PADI4: variants seen among roughly 807,000 people sequenced by gnomAD.
PADI4 encodes the protein peptidyl arginine deiminase 4, also known as protein-arginine deiminase type-4.
In PADI4, 62 loss-of-function variants were observed where a neutral mutation model predicts 75.0. That is an observed-to-expected ratio of 0.83 (90% CI 0.67 to 1.02). The LOEUF is 1.02. PADI4 is among the 50% of genes least tolerant of loss of function. The pLI is 0.00. For missense variants in PADI4, 845 were observed against 850.5 expected (o/e 0.99, Z 0.08); for synonymous variants, 361 against 348.1 (o/e 1.04, Z -0.41).
chr1:17,357,304 A>G (rs1286012378), intron 13 of PADI4, among the ~76,000 whole-genome samples: 1 of 151,924 alleles, frequency 6.6e-6, no homozygotes, highest in African/African-American at 2.4e-5. Flanking sequence ...AGTAGCTGGG[A>G]TTACAGGTGT....
At chr1:17,349,701 T>TA (rs2074585502) in intron 10 of PADI4, among the ~76,000 whole-genome samples, 1 of 21,860 alleles carries the variant, frequency 4.6e-5, no homozygotes, top group African/African-American at 6.3e-5. Flanking sequence ...CAAGACTGTA[T>TA]CAAAAAAAAA....
rs1557581614 is a variant in PADI4 at position 17,356,044 on chromosome 1, G to A, written c.1372G>A (p.Ala458Thr). The A allele has an allele frequency of 4.3e-6, 7 of 1,614,010 alleles. No homozygotes were observed. The highest frequency in any genetic ancestry group is 3.3e-5 in the South Asian group (3 of 91,086). Residue 458 changes from alanine (A) to threonine (T), a missense_variant, in exon 12 of 16, where the codon GCC (alanine) becomes ACC (threonine). Transcript: ENST00000375448. The surrounding 1 kb of genome is among the most constrained non-coding windows in gnomAD (Gnocchi z 4.1). ...CTTCCTCAGTGCCCAGCAGGTGCAGGCCCCTGTGAAGCTCTATTCTGACTG... is the reference window on the plus strand; with the variant it reads ...CTTCCTCAGTGCCCAGCAGGTGCAGACCCCTGTGAAGCTCTATTCTGACTG... ...QDFLSAQQVQAPVKLYSDWLS... is the reference protein window; with the variant it reads ...QDFLSAQQVQTPVKLYSDWLS...
At chr1:17,344,856 A>G (rs1471187455) in intron 8 of PADI4, among the ~76,000 whole-genome samples, 1 of 152,250 alleles carries the variant, frequency 6.6e-6, no homozygotes, top group African/African-American at 2.4e-5. Flanking sequence ...ACAGCAGTGC[A>G]GAGGGGAAAT....
At chr1:17,330,415 T>C (rs2074189348) in intron 1 of PADI4, among the ~76,000 whole-genome samples, 1 of 152,114 alleles carries the variant, frequency 6.6e-6, no homozygotes, top group Non-Finnish European at 1.5e-5. Flanking sequence ...GCTCACACGA[T>C]CACAAGGCAA....
chr1:17,318,062 T>C (rs940147048), intron 1 of PADI4, among the ~76,000 whole-genome samples: 1 of 152,204 alleles, frequency 6.6e-6, no homozygotes, highest in Admixed American at 6.5e-5. Flanking sequence ...ACTCCTAGAG[T>C]TTCCAACTCA....
rs143220365 is a variant in PADI4 at position 17,342,332 on chromosome 1, G to T, written c.865G>T (p.Val289Leu). The change falls in exon 8 of 16, where the codon GTG becomes TTG. Residue 289 changes from valine (V) to leucine (L), a missense_variant. Val to Leu is a conservative substitution (Grantham distance 32). Transcript: ENST00000375448. ...LPEAVVFQDS[V>L]VFRVAPWIMT... is the part of the protein sequence containing the mutation. The stretch of plus-strand genomic sequence containing the variant: ...CGAGGCTGTGGTGTTCCAAGACAGC[G>T]TGGTCTTCCGCGTGGCGCCCTGGAT... 6.2e-7 allele frequency: 1 copy of T among 1,613,862 alleles called. No homozygotes were observed. The highest frequency in any genetic ancestry group is 1.7e-5 in the Admixed American group (1 of 60,018).
At chr1:17,325,219 C>A (rs1377464333) in intron 1 of PADI4, among the ~76,000 whole-genome samples, 1 of 152,150 alleles carries the variant, frequency 6.6e-6, no homozygotes, top group Non-Finnish European at 1.5e-5. Context: ...GCTTCCTAAC[C>A]ATATACATAG....
At chr1:17,334,295 G>T in intron 3 of PADI4, 1 of 439,242 alleles carries the variant, frequency 2.3e-6, no homozygotes, top group Non-Finnish European at 4.4e-6. Context: ...TTCAATATAT[G>T]CATCTCCATT....
chr1:17,309,170 T>TAG (rs1557532277), intron 1 of PADI4, among the ~76,000 whole-genome samples: 3 of 13,086 alleles, frequency 2.3e-4, no homozygotes, highest in Non-Finnish European at 2.0e-3. Flanking sequence ...CAATTTTCCC[T>TAG]GGAAAAAAAA....
intron 15 of PADI4, among the ~76,000 whole-genome samples, chr1:17,362,782 G>A (rs900272309): frequency 2.0e-5 from 3 of 152,150 alleles, no homozygotes; most frequent in Non-Finnish European, 2.9e-5. Flanking sequence ...AATTTTCCAC[G>A]TCTGGGTCTC....
rs2074752016 is a variant in PADI4 at position 17,355,971 on chromosome 1, C to T, written c.1311-12C>T. On this transcript the variant is annotated splice_polypyrimidine_tract_variant and intron_variant, in intron 11 of 15. Coordinates refer to ENST00000375448, the MANE Select transcript of PADI4 (RefSeq NM_012387.3). ...TGCTGCCGATAACACCCCTTTAACC[C>T]TGCCATGACAGCAATGACAGCCGGC... The T allele has an allele frequency of 3.7e-6, 6 of 1,614,164 alleles. No individual in the cohort carries two copies. The highest frequency in any genetic ancestry group is 5.1e-6 in the Non-Finnish European group (6 of 1,180,026).
intron 13 of PADI4, 96 bp from the exon 14 acceptor site, chr1:17,358,742 T>C (rs1259425820): frequency 5.2e-6 from 4 of 766,542 alleles, no homozygotes; most frequent in African/African-American, 1.8e-5. Context: ...CTCCATTTTA[T>C]AGATGGGAAC....
chr1:17,362,579 A>C (rs1299372106), intron 15 of PADI4, among the ~76,000 whole-genome samples: 1 of 152,086 alleles, frequency 6.6e-6, no homozygotes. Flanking sequence ...AAAATTACCT[A>C]TCGGGTACGA....
chr1:17,343,105 T>C (rs931735140), intron 8 of PADI4, among the ~76,000 whole-genome samples: 1 of 152,198 alleles, frequency 6.6e-6, no homozygotes, highest in Non-Finnish European at 1.5e-5. Flanking sequence ...GAGAATCACT[T>C]GAACCCAGGA....
intron 1 of PADI4, among the ~76,000 whole-genome samples, chr1:17,321,997 G>A (rs2074038099): frequency 6.6e-6 from 1 of 152,206 alleles, no homozygotes; most frequent in African/African-American, 2.4e-5. Flanking sequence ...TTTCGTGTGA[G>A]GCAAGGTAGA....
intron 15 of PADI4, among the ~76,000 whole-genome samples, chr1:17,362,629 G>T (rs943006262): frequency 1.1e-4 from 16 of 152,072 alleles, no homozygotes; most frequent in African/African-American, 3.4e-4. Flanking sequence ...GAAGCCCAGT[G>T]CCCACCAGTA....
chr1:17,319,291 C>T (rs972571688), intron 1 of PADI4, among the ~76,000 whole-genome samples: 14 of 152,038 alleles, frequency 9.2e-5, no homozygotes, highest in Admixed American at 2.0e-4. Context: ...AGAGGCATGG[C>T]GTGGTGGCTC....
intron 1 of PADI4, among the ~76,000 whole-genome samples, chr1:17,318,546 G>A (rs894165870): frequency 2.6e-5 from 4 of 152,146 alleles, no homozygotes; most frequent in South Asian, 2.1e-4. Flanking sequence ...AAACGGAGGC[G>A]GGAAGAATAA....
intron 15 of PADI4, among the ~76,000 whole-genome samples, chr1:17,360,444 G>A (rs1361638768): frequency 1.3e-5 from 2 of 152,130 alleles, no homozygotes; most frequent in African/African-American, 2.4e-5. Flanking sequence ...GCAAACATCT[G>A]GTTCCTGTTA....
Sources: allele counts gnomAD v4.1 joint callset (sites outside exome capture counted in the v4.1 genomes callset), GRCh38; gene constraint gnomAD v4.1.1; non-coding constraint Gnocchi (gnomAD v3.1); transcripts MANE v1.5; gene names NCBI Gene and HGNC (gene_info 2026-07-23, HGNC 2026-07-21).